The following SDK1 variants were observed in gnomAD, a reference collection of about 807,000 sequenced individuals.
The protein encoded by SDK1 is protein sidekick-1.
A neutral mutation model predicts 245.5 loss-of-function variants in SDK1; 157 were observed. The ratio of observed to expected loss-of-function variants is 0.64; its 90% CI spans 0.56 to 0.73. SDK1 has a LOEUF of 0.73. Ranked by LOEUF, SDK1 falls within the 30% of genes least tolerant of loss-of-function variation. SDK1 has a pLI of 0.00. For missense variants in SDK1, 3,583 were observed against 3,002.3 expected, an observed-to-expected ratio of 1.19 and a Z score of -4.52; for synonymous variants, 1,647 against 1,278.5, an observed-to-expected ratio of 1.29 and a Z score of -6.15.
rs138321005 is a variant in SDK1 at position 3,571,313 on chromosome 7, T to G, written c.299-47767T>G. Reference sequence around the variant, plus strand: ...GAGAGCAGCTTTTTAATTTTTAATTTTTTTTTGAGATGGGGATCTTACATT... The same window carrying G: ...GAGAGCAGCTTTTTAATTTTTAATTGTTTTTTGAGATGGGGATCTTACATT... On this transcript the variant is annotated intron_variant, in intron 1 of 44. Coordinates refer to ENST00000404826, the MANE Select transcript of SDK1 (RefSeq NM_152744.4). 8.4e-3 allele frequency among the ~76,000 whole-genome samples: 1,272 copies of G among 152,150 alleles called. 26 individuals are homozygous for G. Among genetic ancestry groups the G allele is most frequent in the African/African-American group, 0.029 (1,208 of 41,544 alleles).
chr7:3,549,820 A>G (rs1779342600), intron 1 of SDK1, among the ~76,000 whole-genome samples: 1 of 152,080 alleles, frequency 6.6e-6, no homozygotes, highest in Admixed American at 6.6e-5. Context: ...TAATGTGTTA[A>G]CAGAGATCTG....
At chr7:4,247,208 G>A (rs896154932) in intron 44 of SDK1, among the ~76,000 whole-genome samples, 13 of 152,084 alleles carry the variant, frequency 8.5e-5, no homozygotes, top group South Asian at 2.1e-4. Flanking sequence ...ATTGAGCCCC[G>A]GGGCTCTATC....
intron 1 of SDK1, among the ~76,000 whole-genome samples, chr7:3,435,982 G>A (rs1264456391): frequency 6.6e-6 from 1 of 152,196 alleles, no homozygotes; most frequent in Non-Finnish European, 1.5e-5. Flanking sequence ...ATTAACTTTG[G>A]AGAGGTTTAA....
chr7:3,304,947 C>A, intron 1 of SDK1, among the ~76,000 whole-genome samples: 1 of 152,156 alleles, frequency 6.6e-6, no homozygotes, highest in East Asian at 1.9e-4. Flanking sequence ...CCAGGTGATT[C>A]TCATGTTTAG....
At chr7:3,615,987 T>G (rs1781756914) in intron 1 of SDK1, among the ~76,000 whole-genome samples, 1 of 151,970 alleles carries the variant, frequency 6.6e-6, no homozygotes, top group Admixed American at 6.6e-5. Flanking sequence ...TTGGGTCAAG[T>G]AATCCCTCCA....
chr7:4,226,098 T>C (rs1183025721), intron 40 of SDK1, among the ~76,000 whole-genome samples: 2 of 152,206 alleles, frequency 1.3e-5, no homozygotes, highest in African/African-American at 4.8e-5. Context: ...TGTCATCCAT[T>C]ACAGGCCTCA....
intron 1 of SDK1, among the ~76,000 whole-genome samples, chr7:3,461,367 A>G (rs1297048114): frequency 6.6e-6 from 1 of 152,060 alleles, no homozygotes; most frequent in African/African-American, 2.4e-5. Flanking sequence ...TCAAACCGTA[A>G]CTCTGAGTGG....
intron 4 of SDK1, among the ~76,000 whole-genome samples, chr7:3,740,997 A>G (rs1002946565): frequency 6.6e-6 from 1 of 152,220 alleles, no homozygotes; most frequent in Non-Finnish European, 1.5e-5. Flanking sequence ...TAGAAAGGCT[A>G]TCAGGGACCT....
chr7:3,535,415 C>A (rs1196206564), intron 1 of SDK1, among the ~76,000 whole-genome samples: 4 of 152,118 alleles, frequency 2.6e-5, no homozygotes, highest in Admixed American at 2.6e-4. Flanking sequence ...TAGCTCTTAT[C>A]CCTAATGCCA....
At chr7:3,945,409 A>T (rs1356215739) in intron 5 of SDK1, among the ~76,000 whole-genome samples, 29 of 152,240 alleles carry the variant, frequency 1.9e-4, no homozygotes, top group Admixed American at 1.7e-3. Flanking sequence ...ATTAACAAAG[A>T]GGGAGAAAAA....
chr7:4,185,834 A>T (rs1051100057), intron 35 of SDK1, among the ~76,000 whole-genome samples: 4 of 133,666 alleles, frequency 3.0e-5, no homozygotes, highest in African/African-American at 1.1e-4. Context: ...AGAGAAACAC[A>T]TTTAGACAGG....
At chr7:3,367,750 C>G (rs1781128364) in intron 1 of SDK1, among the ~76,000 whole-genome samples, 1 of 152,144 alleles carries the variant, frequency 6.6e-6, no homozygotes, top group African/African-American at 2.4e-5. Flanking sequence ...ATTCCAGTTG[C>G]CTTAACTGTA....
rs79379724 is a variant in SDK1 at position 3,339,030 on chromosome 7, A to G, written c.298+37146A>G. ...AAGGATAGAGATTGGCACAGTGGTT[A>G]AGAAAACATCCAAAACTGTGTTGTT... On this transcript the variant is annotated intron_variant, in intron 1 of 44. Coordinates refer to ENST00000404826, the MANE Select transcript of SDK1 (RefSeq NM_152744.4). 4.6e-4 allele frequency among the ~76,000 whole-genome samples: 70 copies of G among 152,350 alleles called. 1 individual carries two copies. The East Asian group carries it at 0.011, about 23-fold the overall frequency.
At chr7:4,013,984 G>A (rs988494175) in intron 16 of SDK1, among the ~76,000 whole-genome samples, 5 of 152,340 alleles carry the variant, frequency 3.3e-5, no homozygotes, top group Middle Eastern at 3.4e-3. Flanking sequence ...TGTCCCCGCC[G>A]CCTGCGGCCG....
intron 4 of SDK1, among the ~76,000 whole-genome samples, chr7:3,708,057 A>T (rs1784942324): frequency 6.6e-6 from 1 of 152,170 alleles, no homozygotes; most frequent in Non-Finnish European, 1.5e-5. Context: ...AGGAAGCGTG[A>T]TGCTGCTCAG....
chr7:3,550,532 C>G (rs960455459), intron 1 of SDK1, among the ~76,000 whole-genome samples: 4 of 152,158 alleles, frequency 2.6e-5, no homozygotes, highest in African/African-American at 9.7e-5. Flanking sequence ...TGACTGTCTG[C>G]AGTGTGTGCC....
chr7:3,320,654 C>T (rs1415378685), intron 1 of SDK1, among the ~76,000 whole-genome samples: 1 of 151,958 alleles, frequency 6.6e-6, no homozygotes, highest in South Asian at 2.1e-4. Flanking sequence ...AAGCAGTTGC[C>T]CTGTTTTAAT....
intron 1 of SDK1, among the ~76,000 whole-genome samples, chr7:3,487,801 G>C (rs1250100274): frequency 6.7e-6 from 1 of 150,240 alleles, no homozygotes; most frequent in Non-Finnish European, 1.5e-5. Flanking sequence ...GTGTCTTGTG[G>C]CTCTCCAAAG....
At chr7:4,075,781 A>G (rs1780638103) in intron 20 of SDK1, among the ~76,000 whole-genome samples, 1 of 151,316 alleles carries the variant, frequency 6.6e-6, no homozygotes. Context: ...CAGCCTTCCG[A>G]GTAGCTAGGA....
Sources: allele counts gnomAD v4.1 joint callset (sites outside exome capture counted in the v4.1 genomes callset), GRCh38; gene constraint gnomAD v4.1.1; transcripts MANE v1.5; gene names NCBI Gene and HGNC (gene_info 2026-07-23, HGNC 2026-07-21).